The following CMIP variants were observed in gnomAD, a reference collection of about 807,000 sequenced individuals.
CMIP encodes c-Maf inducing protein.
CMIP carries 13 observed loss-of-function variants against 97.3 expected under a neutral mutation model. The ratio of observed to expected loss-of-function variants is 0.13; its 90% CI spans 0.09 to 0.21. CMIP has a LOEUF of 0.21. Ranked by LOEUF, CMIP falls within the 10% of genes least tolerant of loss-of-function variation. The pLI is 1.00. For synonymous variants in CMIP, 538 were observed against 436.3 expected, an observed-to-expected ratio of 1.23 and a Z score of -2.91; for missense variants, 847 against 1,024.9, an observed-to-expected ratio of 0.83 and a Z score of 2.37.
chr16:81,546,692 C>A (rs971134267), intron 1 of CMIP, among the ~76,000 whole-genome samples: 1 of 152,106 alleles, frequency 6.6e-6, no homozygotes, highest in Non-Finnish European at 1.5e-5. Context: ...AGGGTGAGAA[C>A]CAAGTGCTGT....
At chr16:81,487,722 AG>A (rs1215731038) in intron 1 of CMIP, among the ~76,000 whole-genome samples, 1 of 152,216 alleles carries the variant, frequency 6.6e-6, no homozygotes, top group Non-Finnish European at 1.5e-5. Flanking sequence ...CCACTCTCAC[AG>A]GGTCTGTGTG....
chr16:81,666,613 C>G (rs2092605854), intron 7 of CMIP: 1 of 152,130 alleles, frequency 6.6e-6, no homozygotes, highest in South Asian at 2.1e-4. Context: ...AGCCATGAGT[C>G]CTCGCCTCAC....
intron 1 of CMIP, chr16:81,520,139 G>T (rs2089990855): frequency 6.6e-6 from 1 of 152,266 alleles, no homozygotes; most frequent in African/African-American, 2.4e-5. Flanking sequence ...CATTTCAGCT[G>T]CCCAGGTAGT....
Position 81,642,010 on chromosome 16 carries a change from A to G in CMIP, c.478-10193A>G, listed in dbSNP as rs999556472. Among the ~76,000 whole-genome samples, 4 of 152,122 alleles carry G rather than the reference A, an allele frequency of 2.6e-5. No individual in the cohort carries two copies. In the South Asian group the frequency reaches 8.3e-4, roughly 32 times the overall value. ...TGTAAAATGGGACTTACATTATACC[A>G]CTCACCTCATTTAGTGGATGGGATG... On this transcript the variant is annotated intron_variant, in intron 3 of 20. Coordinates refer to ENST00000537098, the MANE Select transcript of CMIP (RefSeq NM_198390.3).
intron 1 of CMIP, among the ~76,000 whole-genome samples, chr16:81,566,910 G>C (rs2090993548): frequency 6.6e-6 from 1 of 152,222 alleles, no homozygotes. Flanking sequence ...TCCAGTTATA[G>C]GAAGTTCAAG....
At chr16:81,603,116 G>A (rs1200057947) in intron 1 of CMIP, among the ~76,000 whole-genome samples, 1 of 152,158 alleles carries the variant, frequency 6.6e-6, no homozygotes, top group African/African-American at 2.4e-5. Flanking sequence ...GTCTTGCTCT[G>A]TTGCCCAGGC....
At chr16:81,663,784 C>T (rs758278837) in intron 6 of CMIP, among the ~76,000 whole-genome samples, 11 of 152,152 alleles carry the variant, frequency 7.2e-5, no homozygotes, top group Non-Finnish European at 1.3e-4. Context: ...ATGCAGGCAC[C>T]TGGGAGGAAA....
At chr16:81,471,426 A>G (rs1414405695) in intron 1 of CMIP, among the ~76,000 whole-genome samples, 6 of 152,254 alleles carry the variant, frequency 3.9e-5, no homozygotes, top group Non-Finnish European at 5.9e-5. Flanking sequence ...ATACATGTAC[A>G]TGCACATACA....
At chr16:81,550,480 A>C (rs1269581327) in intron 1 of CMIP, among the ~76,000 whole-genome samples, 1 of 151,658 alleles carries the variant, frequency 6.6e-6, no homozygotes, top group Non-Finnish European at 1.5e-5. Context: ...CCCCCCTCCC[A>C]CTCTTGGCTG....
At chr16:81,648,965 C>G (rs1227081633) in intron 3 of CMIP, among the ~76,000 whole-genome samples, 1 of 152,026 alleles carries the variant, frequency 6.6e-6, no homozygotes, top group Non-Finnish European at 1.5e-5. Context: ...CTTGACAGTG[C>G]CCTGTTTATT....
intron 3 of CMIP, among the ~76,000 whole-genome samples, chr16:81,641,738 G>C (rs1279347049): frequency 6.6e-6 from 1 of 152,210 alleles, no homozygotes; most frequent in African/African-American, 2.4e-5. Context: ...TGGCTTTTCA[G>C]GCAGGTGTCC....
rs1465708640 is a variant in CMIP at position 81,678,589 on chromosome 16, A to G, written c.1349A>G (p.Asp450Gly). The change falls in exon 10 of 21, where the codon GAC (aspartate) becomes GGC (glycine). Residue 450 changes from aspartate (D) to glycine (G), a missense_variant. Asp to Gly is a moderately conservative substitution (Grantham distance 94, BLOSUM62 -1). Coordinates refer to ENST00000537098, the MANE Select transcript of CMIP (RefSeq NM_198390.3). ...TMSIELGPQA[D>G]RTLGCYVEIL... is the part of the protein sequence containing the mutation. ...AGCATCGAGCTGGGCCCCCAGGCCG[A>G]CCGCACGCTCGGCTGCTACGTGGAA... 10 of 1,601,880 alleles carry G rather than the reference A, an allele frequency of 6.2e-6. No homozygotes were observed. The highest frequency in any genetic ancestry group is 8.5e-6 in the Non-Finnish European group (10 of 1,173,792).
At chr16:81,629,026 C>G (rs1407915798) in intron 3 of CMIP, among the ~76,000 whole-genome samples, 1 of 149,058 alleles carries the variant, frequency 6.7e-6, no homozygotes, top group Non-Finnish European at 1.5e-5. Flanking sequence ...GTCCCAGCTA[C>G]TCAGGAGGCT....
At chr16:81,530,218 G>A (rs1360717505) in intron 1 of CMIP, among the ~76,000 whole-genome samples, 2 of 152,114 alleles carry the variant, frequency 1.3e-5, no homozygotes, top group Non-Finnish European at 2.9e-5. Flanking sequence ...AGGGTCCCAC[G>A]TCTTATGAGG....
chr16:81,631,364 C>G (rs2092156437), intron 3 of CMIP: 1 of 152,206 alleles, frequency 6.6e-6, no homozygotes, highest in Non-Finnish European at 1.5e-5. Flanking sequence ...CCGTTGGAGC[C>G]CACAGAGCTG....
At chr16:81,563,843 G>A (rs945665758) in intron 1 of CMIP, among the ~76,000 whole-genome samples, 6 of 152,180 alleles carry the variant, frequency 3.9e-5, no homozygotes, top group Non-Finnish European at 7.4e-5. Flanking sequence ...CAGCACTGTC[G>A]GGGCCATTAA....
At chr16:81,474,363 C>T (rs1048083434) in intron 1 of CMIP, among the ~76,000 whole-genome samples, 1 of 152,070 alleles carries the variant, frequency 6.6e-6, no homozygotes, top group Non-Finnish European at 1.5e-5. Flanking sequence ...TTTTTCCATT[C>T]CTCCCTTCCC....
At chr16:81,694,110 C>T (rs1906423013) in intron 13 of CMIP, among the ~76,000 whole-genome samples, 1 of 152,220 alleles carries the variant, frequency 6.6e-6, no homozygotes, top group African/African-American at 2.4e-5. Flanking sequence ...CATTCCTTTT[C>T]TCATGCCTCA....
chr16:81,606,246 C>G (rs1381748856), intron 1 of CMIP, among the ~76,000 whole-genome samples: 1 of 152,212 alleles, frequency 6.6e-6, no homozygotes, highest in African/African-American at 2.4e-5. Flanking sequence ...CACGTGACCT[C>G]CTGAGCCTCA....
Sources: gnomAD v4.1 joint callset for allele counts (sites outside exome capture counted in the v4.1 genomes callset) on GRCh38, gnomAD v4.1.1 for gene constraint, MANE v1.5 for transcripts, NCBI Gene and HGNC (gene_info 2026-07-23, HGNC 2026-07-21) for gene names.